SLCO1B3: variants seen among roughly 807,000 people sequenced by gnomAD.
SLCO1B3 encodes the protein solute carrier organic anion transporter family member 1B3.
A neutral mutation model predicts 71.8 loss-of-function variants in SLCO1B3; 72 were observed. The ratio of observed to expected loss-of-function variants is 1.00; its 90% confidence interval spans 0.83 to 1.22. The LOEUF is 1.22. SLCO1B3 is among the 50% of genes most tolerant of loss of function. The pLI is 0.00. For synonymous variants in SLCO1B3, 298 were observed against 278.4 expected (o/e 1.07, Z -0.70); for missense variants, 911 against 819.7 (o/e 1.11, Z -1.36).
intron 10 of SLCO1B3, among the ~76,000 whole-genome samples, chr12:20,878,520 G>A (rs1010794874): frequency 2.6e-5 from 4 of 152,074 alleles, no homozygotes; most frequent in Non-Finnish European, 5.9e-5. Context: ...CACAACTCCA[G>A]TATTGTAGAA....
intron 15 of SLCO1B3, among the ~76,000 whole-genome samples, chr12:20,914,536 A>ATTCTATTCTATT (rs1233352278): frequency 1.3e-5 from 2 of 152,096 alleles, no homozygotes; most frequent in African/African-American, 4.8e-5. Context: ...TTATTATTTT[A>ATTCTATTCTATT]AAGAAACTGA....
chr12:20,903,319 T>G (rs982848844), intron 15 of SLCO1B3, among the ~76,000 whole-genome samples: 2 of 152,184 alleles, frequency 1.3e-5, no homozygotes, highest in Non-Finnish European at 2.9e-5. Context: ...GTGGAAGCAT[T>G]GAAGATGTCC....
At chr12:20,822,042 A>C (rs1395753979) in intron 3 of SLCO1B3, among the ~76,000 whole-genome samples, 1 of 152,188 alleles carries the variant, frequency 6.6e-6, no homozygotes, top group African/African-American at 2.4e-5. Context: ...CGCTTACCGG[A>C]TTTGAAATTG....
rs1418650452 is a variant in SLCO1B3 at position 20,915,221 on chromosome 12, A to G, written c.1866-783A>G. Among the ~76,000 whole-genome samples the G allele has an allele frequency of 2.0e-5, 3 of 151,834 alleles. No homozygotes were observed. The South Asian group carries it at 6.2e-4, about 31-fold the overall frequency. ...ATTTTTCTTTGCTTTTTTTATTGAT[A>G]TAAACTTAGAGATTGTTTCCTCAGC... On this transcript the variant is annotated intron_variant, in intron 15 of 15. Transcript: ENST00000381545.
chr12:20,907,031 A>C (rs1390567722), intron 15 of SLCO1B3, among the ~76,000 whole-genome samples: 3 of 152,110 alleles, frequency 2.0e-5, no homozygotes, highest in Admixed American at 2.0e-4. Context: ...AAAAAGGAAA[A>C]ATCTTTTTAC....
intron 9 of SLCO1B3, among the ~76,000 whole-genome samples, chr12:20,875,948 G>A (rs1047711929): frequency 6.6e-6 from 1 of 151,848 alleles, no homozygotes; most frequent in Non-Finnish European, 1.5e-5. Context: ...TACTATGGTA[G>A]GTTATATTTA....
At position 20,898,769 on chromosome 12, in the gene SLCO1B3, T is replaced by G. The variant is rs1212307699; in HGVS notation, c.1747+269T>G. Among the ~76,000 whole-genome samples the G allele has an allele frequency of 2.0e-5, 3 of 152,160 alleles. No homozygotes were observed. In the East Asian group the frequency reaches 5.8e-4, roughly 29 times the overall value. The stretch of plus-strand genomic sequence containing the variant: ...ATTCTTTCTAACAGAAACAGAAAGA[T>G]AGGTGGTCTCTGAGGTTTTCCTTCT... On this transcript the variant is annotated intron_variant, in intron 14 of 15. Coordinates refer to ENST00000381545, the MANE Select transcript of SLCO1B3 (RefSeq NM_019844.4).
intron 3 of SLCO1B3, among the ~76,000 whole-genome samples, chr12:20,827,992 A>T (rs2121117278): frequency 6.6e-6 from 1 of 152,324 alleles, no homozygotes; most frequent in African/African-American, 2.4e-5. Context: ...GGTGTGCTAG[A>T]GGGAGATTAA....
intron 13 of SLCO1B3, among the ~76,000 whole-genome samples, chr12:20,885,004 C>CGG (rs1865765036): frequency 6.6e-6 from 1 of 152,024 alleles, no homozygotes; most frequent in Admixed American, 6.6e-5. Flanking sequence ...AAATTCACTT[C>CGG]ATAATTTCAT....
At chr12:20,912,406 G>A (rs1002967194) in intron 15 of SLCO1B3, among the ~76,000 whole-genome samples, 21 of 150,574 alleles carry the variant, frequency 1.4e-4, no homozygotes, top group Non-Finnish European at 3.1e-4. Context: ...GTCACTCACT[G>A]CAACCTCTGC....
At position 20,901,158 on chromosome 12, in the gene SLCO1B3, G is replaced by A. The variant is rs74559746; in HGVS notation, c.1748-192G>A. Among the ~76,000 whole-genome samples, 57 of 152,238 alleles carry A rather than the reference G, an allele frequency of 3.7e-4. 2 individuals carry two copies. In the East Asian group the frequency reaches 4.4e-3, roughly 12 times the overall value. Reference sequence around the variant, plus strand: ...AGAAGAGTAGATCAAATACATCTGTGACATTACCATATGATTTAAGCCTTT... The same window carrying A: ...AGAAGAGTAGATCAAATACATCTGTAACATTACCATATGATTTAAGCCTTT... On this transcript the variant is annotated intron_variant, in intron 14 of 15. Coordinates refer to ENST00000381545, the MANE Select transcript of SLCO1B3 (RefSeq NM_019844.4).
intron 15 of SLCO1B3, among the ~76,000 whole-genome samples, chr12:20,912,877 A>G (rs1866413691): frequency 2.3e-5 from 1 of 42,750 alleles, no homozygotes; most frequent in Non-Finnish European, 1.4e-4. Context: ...GTTGTTCACC[A>G]TGTTGATCAG....
intron 3 of SLCO1B3, among the ~76,000 whole-genome samples, chr12:20,821,099 T>G (rs919683092): frequency 4.6e-5 from 7 of 152,040 alleles, no homozygotes; most frequent in Admixed American, 2.6e-4. Flanking sequence ...TTAGAAAGAC[T>G]CAGCGACGCT....
intron 3 of SLCO1B3, among the ~76,000 whole-genome samples, chr12:20,823,197 T>G (rs1348471943): frequency 6.6e-6 from 1 of 152,172 alleles, no homozygotes; most frequent in African/African-American, 2.4e-5. Context: ...TTCGTGTGTA[T>G]AAATCGGTTT....
intron 15 of SLCO1B3, among the ~76,000 whole-genome samples, chr12:20,914,631 C>G (rs892620743): frequency 1.3e-5 from 2 of 151,676 alleles, no homozygotes; most frequent in Admixed American, 1.3e-4. Flanking sequence ...TATGTATATC[C>G]GAGTTTATGA....
chr12:20,887,509 A>G (rs541021084), intron 13 of SLCO1B3, among the ~76,000 whole-genome samples: 2 of 151,784 alleles, frequency 1.3e-5, no homozygotes, highest in South Asian at 4.2e-4. Flanking sequence ...GGCCATTTGT[A>G]TGTCTTCTTT....
At chr12:20,897,480 G>A (rs1866035641) in intron 13 of SLCO1B3, among the ~76,000 whole-genome samples, 1 of 152,118 alleles carries the variant, frequency 6.6e-6, no homozygotes, top group Admixed American at 6.5e-5. Context: ...GGAAACTGAG[G>A]CTAAGAGAGA....
chr12:20,848,890 A>G (rs1864966087), intron 3 of SLCO1B3, among the ~76,000 whole-genome samples: 1 of 152,100 alleles, frequency 6.6e-6, no homozygotes, highest in Admixed American at 6.5e-5. Flanking sequence ...ACTATTCTTT[A>G]TGATACAGTA....
At chr12:20,901,703 G>A (rs1344995178) in intron 15 of SLCO1B3, among the ~76,000 whole-genome samples, 1 of 152,036 alleles carries the variant, frequency 6.6e-6, no homozygotes, top group East Asian at 1.9e-4. Context: ...CAAGATTGAA[G>A]AATAATGAGT....
Sources: allele counts gnomAD v4.1 joint callset (sites outside exome capture counted in the v4.1 genomes callset), GRCh38; gene constraint gnomAD v4.1.1; transcripts MANE v1.5; gene names NCBI Gene and HGNC (gene_info 2026-07-23, HGNC 2026-07-21).